CTDP1: variants seen among roughly 807,000 people sequenced by gnomAD.
CTDP1 encodes CTD phosphatase 1, also known as RNA polymerase II subunit A C-terminal domain phosphatase.
CTDP1 carries 47 observed loss-of-function variants against 91.8 expected under a neutral mutation model. The observed-to-expected ratio is 0.51, with a 90% CI of 0.41 to 0.65. CTDP1 has a LOEUF of 0.65. CTDP1 is among the 30% of genes least tolerant of loss of function. CTDP1 has a pLI of 0.00. For missense variants in CTDP1, 1,272 were observed against 1,373.7 expected (o/e 0.93, Z 1.17); for synonymous variants, 656 against 598.5 (o/e 1.10, Z -1.40).
At chr18:79,684,753 G>A (rs543812473) in intron 1 of CTDP1, among the ~76,000 whole-genome samples, 56 of 152,252 alleles carry the variant, frequency 3.7e-4, no homozygotes, top group Non-Finnish European at 4.8e-4. Context: ...TTTGGGTGAA[G>A]TTACAATAGT....
chr18:79,754,328 G>T lies in CTDP1; in HGVS notation c.*538G>T, dbSNP rs561654077. On this transcript the variant is annotated 3_prime_UTR_variant, in exon 13 of 13. Transcript: ENST00000613122. ...CTGCAGCCTCCTACGCAGGGTCCAC[G>T]CCACGTGGCCTGGGCTGCCATCCTG... 103 of 162,822 alleles carry T rather than the reference G, an allele frequency of 6.3e-4. No individual in the cohort carries two copies. Among genetic ancestry groups the T allele is most frequent in the African/African-American group, 2.2e-3 (90 of 41,738 alleles). 10.1% of individuals were successfully genotyped at this position (162,822 alleles called of 1,614,324 possible).
Position 79,729,028 on chromosome 18 carries a change from T to C in CTDP1, c.2539T>C (p.Tyr847His). Reference sequence around the variant, plus strand: ...CAGTATGTCTGAGACAATGCCGCTGTACACTCTTTGTAAGGAGGATTTAGA... The same window carrying C: ...CAGTATGTCTGAGACAATGCCGCTGCACACTCTTTGTAAGGAGGATTTAGA... ...QPSMSETMPL[Y>H]TLCKEDLESM... The change falls in exon 11 of 13, where the codon TAC (tyrosine) becomes CAC (histidine). Residue 847 changes from tyrosine to histidine, a missense_variant. This residue lies in a region of CTDP1 where 881 missense variants were observed against 911.6 expected (regional missense o/e 0.97). Coordinates refer to ENST00000613122, the MANE Select transcript of CTDP1 (RefSeq NM_004715.5). 1 of 1,613,990 alleles carries C rather than the reference T, an allele frequency of 6.2e-7. No homozygotes were observed. The highest frequency in any genetic ancestry group is 8.5e-7 in the Non-Finnish European group (1 of 1,180,046).
intron 3 of CTDP1, among the ~76,000 whole-genome samples, chr18:79,696,466 C>T (rs1390498480): frequency 1.3e-5 from 2 of 149,594 alleles, no homozygotes; most frequent in South Asian, 2.2e-4. Context: ...CTGGATGACC[C>T]GGGAGGGCAA....
intron 1 of CTDP1, among the ~76,000 whole-genome samples, chr18:79,684,218 A>G (rs1054558091): frequency 3.3e-5 from 5 of 152,228 alleles, no homozygotes; most frequent in African/African-American, 4.8e-5. Flanking sequence ...TTGCTTGTAC[A>G]TGTGCAGCCA....
chr18:79,706,095 T>C (rs961770439), intron 5 of CTDP1, among the ~76,000 whole-genome samples: 4 of 152,152 alleles, frequency 2.6e-5, no homozygotes, highest in Admixed American at 6.5e-5. Flanking sequence ...GGTGAGGTCC[T>C]GTGGACTCCA....
intron 12 of CTDP1, among the ~76,000 whole-genome samples, chr18:79,741,284 C>T (rs1290660724): frequency 4.6e-5 from 7 of 152,212 alleles, no homozygotes; most frequent in Admixed American, 4.6e-4. Flanking sequence ...GTTGATCTCT[C>T]CCTGAGCCTA....
At chr18:79,705,022 C>A in intron 5 of CTDP1, 105 bp downstream of exon 5, 1 of 1,542,072 alleles carries the variant, frequency 6.5e-7, no homozygotes, top group Non-Finnish European at 8.8e-7. Flanking sequence ...TCTCCTGCAA[C>A]TCAGTTGTAG....
chr18:79,709,419 A>G (rs1377484273), intron 5 of CTDP1, among the ~76,000 whole-genome samples: 2 of 152,384 alleles, frequency 1.3e-5, no homozygotes, highest in East Asian at 1.9e-4. Context: ...GATCCCAAGA[A>G]ACCTCTGCCT....
intron 1 of CTDP1, among the ~76,000 whole-genome samples, chr18:79,684,282 G>A (rs148126964): frequency 6.6e-6 from 1 of 152,368 alleles, no homozygotes; most frequent in African/African-American, 2.4e-5. Context: ...GCGTAGATTA[G>A]AACGTCAGTC....
upstream of CTDP1, chr18:79,678,577 G>A (rs1366037955): frequency 6.6e-6 from 1 of 152,134 alleles, no homozygotes; most frequent in Non-Finnish European, 1.5e-5. Context: ...CTGTGTCTCC[G>A]CTCGTTTTCA....
chr18:79,737,456 G>T (rs1568214055), intron 12 of CTDP1, among the ~76,000 whole-genome samples: 1 of 152,120 alleles, frequency 6.6e-6, no homozygotes, highest in Non-Finnish European at 1.5e-5. Flanking sequence ...CAGATGATTA[G>T]CTCACGGTCC....
Position 79,714,480 on chromosome 18 carries a change from T to C in CTDP1, c.1031-11T>C. 6.2e-7 allele frequency: 1 copy of C among 1,612,950 alleles called. No homozygotes were observed. The highest frequency in any genetic ancestry group is 8.5e-7 in the Non-Finnish European group (1 of 1,179,878). On this transcript the variant is annotated splice_polypyrimidine_tract_variant and intron_variant, in intron 7 of 12. Transcript: ENST00000613122. ...AATTGCGGTAACTTTTCCTTTTGCA[T>C]GCATATTTAGTAAATCATTCTCGAG...
chr18:79,735,436 G>A (rs1282750559), intron 11 of CTDP1, among the ~76,000 whole-genome samples: 2 of 152,260 alleles, frequency 1.3e-5, no homozygotes, highest in Non-Finnish European at 2.9e-5. Flanking sequence ...TCTTGGGATG[G>A]GAGCCCCCGG....
chr18:79,710,437 G>T lies in CTDP1; in HGVS notation c.863+1G>T, dbSNP rs1222050640. The T allele has an allele frequency of 3.1e-6, 5 of 1,608,896 alleles. No homozygotes were observed. The highest frequency in any genetic ancestry group is 4.3e-6 in the Non-Finnish European group (5 of 1,175,366). On this transcript the variant is annotated splice_donor_variant, in intron 6 of 12. Transcript: ENST00000613122. LOFTEE classifies it high-confidence loss of function. Reference sequence around the variant, plus strand: ...CATTTTCTAAAACGGGAAACCTTAGGTATGTACCCAGCCGCGCTCCTCACA... The same window carrying T: ...CATTTTCTAAAACGGGAAACCTTAGTTATGTACCCAGCCGCGCTCCTCACA...
intron 5 of CTDP1, among the ~76,000 whole-genome samples, chr18:79,709,013 A>G (rs955278090): frequency 2.0e-5 from 3 of 152,268 alleles, no homozygotes; most frequent in Non-Finnish European, 4.4e-5. Context: ...GTGCAGATTT[A>G]TGGCTTCAGC....
rs2085740148 is a variant in CTDP1, at chr18:79,696,084, C to G, written c.492+14C>G. On this transcript the variant is annotated intron_variant, in intron 3 of 12. Coordinates refer to ENST00000613122, the MANE Select transcript of CTDP1 (RefSeq NM_004715.5). ...GTGAGCTCCGAGGTGAGCCGGGCAT[C>G]AGTGGCGGCGTGTTGGGGAAGCGTG... is the stretch of plus-strand genomic sequence containing the variant. 14 of 1,608,020 alleles carry G rather than the reference C, an allele frequency of 8.7e-6. No homozygotes were observed. Among genetic ancestry groups the G allele is most frequent in the Non-Finnish European group, 1.2e-5 (14 of 1,179,022 alleles).
chr18:79,733,103 C>T (rs534286463), intron 11 of CTDP1, among the ~76,000 whole-genome samples: 60 of 152,348 alleles, frequency 3.9e-4, no homozygotes, highest in Admixed American at 1.3e-3. Context: ...ACTCAGTCCT[C>T]GTGCTGTGGC....
intron 10 of CTDP1, among the ~76,000 whole-genome samples, chr18:79,727,266 C>G (rs1437262730): frequency 1.3e-5 from 2 of 152,252 alleles, no homozygotes; most frequent in Non-Finnish European, 2.9e-5. Context: ...AACAACACTG[C>G]TTTGGACTGC....
chr18:79,747,680 T>C (rs765287825), intron 12 of CTDP1, among the ~76,000 whole-genome samples: 1 of 152,256 alleles, frequency 6.6e-6, no homozygotes, highest in Admixed American at 6.5e-5. Context: ...TTATCCGCCA[T>C]GCGCAGCGCC....
Sources: gnomAD v4.1 joint callset for allele counts (sites outside exome capture counted in the v4.1 genomes callset) on GRCh38, gnomAD v4.1.1 for gene constraint, gnomAD v4.1.1 regional missense constraint, MANE v1.5 for transcripts, NCBI Gene and HGNC (gene_info 2026-07-23, HGNC 2026-07-21) for gene names.